Variants in DPP8 observed in about 807,000 individuals in gnomAD.
DPP8 encodes the protein dipeptidyl peptidase 8.
In DPP8, 31 loss-of-function variants were observed where a neutral mutation model predicts 107.5. The observed-to-expected ratio is 0.29, with a 90% CI of 0.22 to 0.39. DPP8 has a LOEUF of 0.39. DPP8 is among the 10% of genes least tolerant of loss of function. The probability of loss-of-function intolerance (pLI) is 1.00; values close to 1 mark genes in which losing one functional copy is unlikely to be tolerated. For missense variants in DPP8, 842 were observed against 1,076.1 expected (o/e 0.78, Z 3.04); for synonymous variants, 381 against 356.6 (o/e 1.07, Z -0.77).
intron 11 of DPP8, chr15:65,475,375 G>C: frequency 1.4e-6 from 2 of 1,462,388 alleles, no homozygotes; most frequent in Non-Finnish European, 1.9e-6. Flanking sequence ...AGGAACAGGA[G>C]AACTGGCTCT....
In DPP8 at chr15:65,487,000, AG is replaced by A. The variant is rs570218534; in HGVS notation, c.955+689del. On this transcript the variant is annotated intron_variant, in intron 7 of 19. Transcript: ENST00000300141. ...TGAAATAAAATTTAAAATAAAAAAA[AG>A]GGGGGCTGAAAAGAGCAAGAATGAA... 9.8e-3 allele frequency among the ~76,000 whole-genome samples: 1,481 copies of A among 151,852 alleles called. 13 individuals carry two copies. Among genetic ancestry groups the A allele is most frequent in the Middle Eastern group, 0.041 (12 of 294 alleles).
At chr15:65,481,447 T>A in intron 9 of DPP8, 68 bp downstream of exon 9, 1 of 1,113,982 alleles carries the variant, frequency 9.0e-7, no homozygotes, top group Non-Finnish European at 1.3e-6. Flanking sequence ...GCAAACCTAA[T>A]AGCACAAATA....
chr15:65,508,988 G>A (rs2070421208), intron 2 of DPP8, among the ~76,000 whole-genome samples: 1 of 152,184 alleles, frequency 6.6e-6, no homozygotes, highest in Non-Finnish European at 1.5e-5. Context: ...AATGCCAGCA[G>A]AAGGTAGCCT....
At chr15:65,451,195 A>C in intron 18 of DPP8, 85 bp from the exon 19 acceptor site, 1 of 786,258 alleles carries the variant, frequency 1.3e-6, no homozygotes, top group South Asian at 1.5e-5. Context: ...ATACTTAACC[A>C]TATTAACTTC....
At chr15:65,503,785 G>A (rs1465942555) in intron 3 of DPP8, among the ~76,000 whole-genome samples, 1 of 151,892 alleles carries the variant, frequency 6.6e-6, no homozygotes, top group Non-Finnish European at 1.5e-5. Flanking sequence ...ATCATGCCTG[G>A]CTTATTTTTT....
chr15:65,449,795 G>GA (rs2063832929), intron 19 of DPP8, among the ~76,000 whole-genome samples: 1 of 152,106 alleles, frequency 6.6e-6, no homozygotes, highest in South Asian at 2.1e-4. Context: ...ACTGAGTACA[G>GA]AAAGAGACAT....
At chr15:65,511,252 T>C (rs1390076554) in intron 2 of DPP8, among the ~76,000 whole-genome samples, 1 of 152,102 alleles carries the variant, frequency 6.6e-6, no homozygotes, top group Non-Finnish European at 1.5e-5. Flanking sequence ...CACAATTATA[T>C]AATGGAATAT....
chr15:65,475,129 T>C (rs2066263806), intron 11 of DPP8, among the ~76,000 whole-genome samples: 1 of 152,218 alleles, frequency 6.6e-6, no homozygotes, highest in Admixed American at 6.5e-5. Context: ...TTGGTCAGCC[T>C]TCTTACTTGT....
At position 65,456,262 on chromosome 15, in the gene DPP8, C is replaced by G; in HGVS notation, c.2081G>C (p.Arg694Pro). The change falls in exon 16 of 20, where the codon CGA (arginine) becomes CCA (proline). Residue 694 changes from arginine to proline, a missense_variant. Arg to Pro is a moderately radical substitution (Grantham distance 103). Around this residue, in one of 2 missense-constraint regions of DPP8, gnomAD observed 179 missense variants for 318.0 expected, o/e 0.56. Coordinates refer to ENST00000300141, the MANE Select transcript of DPP8 (RefSeq NM_130434.5). ...VVIDNRGSCH[R>P]GLKFEGAFKY... ...AAAGGCGCCTTCAAATTTAAGCCCT[C>G]GGTGACAGGATCCCCTGTTGTCTAT... is the stretch of plus-strand genomic sequence containing the variant. The G allele has an allele frequency of 6.2e-7, 1 of 1,613,422 alleles. No homozygotes were observed. The highest frequency in any genetic ancestry group is 8.5e-7 in the Non-Finnish European group (1 of 1,179,852).
chr15:65,473,411 C>T (rs1338883836), intron 12 of DPP8, among the ~76,000 whole-genome samples: 2 of 151,012 alleles, frequency 1.3e-5, no homozygotes, highest in African/African-American at 2.4e-5. Flanking sequence ...TGAAAGAAAA[C>T]TGATAAATGT....
At chr15:65,489,204 C>A (rs2067751964) in intron 6 of DPP8, among the ~76,000 whole-genome samples, 2 of 151,980 alleles carry the variant, frequency 1.3e-5, no homozygotes. Flanking sequence ...CATGATCCGC[C>A]CGCCTTGGCC....
intron 18 of DPP8, 30 bp downstream of exon 18, chr15:65,451,928 TTA>T: frequency 8.8e-6 from 13 of 1,474,758 alleles, no homozygotes; most frequent in East Asian, 6.9e-5. Flanking sequence ...CTGTCTCAAT[TTA>T]AAAAAAAAAA....
intron 5 of DPP8, among the ~76,000 whole-genome samples, chr15:65,493,183 A>G (rs1395437320): frequency 6.6e-6 from 1 of 151,994 alleles, no homozygotes; most frequent in Non-Finnish European, 1.5e-5. Context: ...TCCTGGGTTC[A>G]AGCGATTCTC....
At chr15:65,476,154 CTA>C (rs1168910003) in intron 11 of DPP8, among the ~76,000 whole-genome samples, 4 of 152,136 alleles carry the variant, frequency 2.6e-5, no homozygotes, top group African/African-American at 9.7e-5. Flanking sequence ...CTGCTTATAT[CTA>C]TTGCTGTGGG....
chr15:65,510,001 A>C (rs977380229), intron 2 of DPP8, among the ~76,000 whole-genome samples: 1 of 152,062 alleles, frequency 6.6e-6, no homozygotes, highest in Non-Finnish European at 1.5e-5. Flanking sequence ...AGCCTGGGCA[A>C]CAGAGTGAGA....
At chr15:65,496,782 C>T (rs1033846068) in intron 5 of DPP8, among the ~76,000 whole-genome samples, 11 of 151,770 alleles carry the variant, frequency 7.2e-5, no homozygotes, top group African/African-American at 1.7e-4. Context: ...TCCTAAGTAG[C>T]TGGGACTACT....
At chr15:65,481,989 C>G (rs1486384094) in intron 8 of DPP8, among the ~76,000 whole-genome samples, 1 of 151,402 alleles carries the variant, frequency 6.6e-6, no homozygotes, top group Admixed American at 6.6e-5. Flanking sequence ...TATATACACA[C>G]ACTAATTATA....
At chr15:65,510,886 A>G (rs1057205399) in intron 2 of DPP8, among the ~76,000 whole-genome samples, 10 of 152,140 alleles carry the variant, frequency 6.6e-5, no homozygotes, top group Non-Finnish European at 1.3e-4. Flanking sequence ...CTCACTCATA[A>G]GAGAAATAAA....
chr15:65,496,166 G>A (rs200882191), intron 5 of DPP8, among the ~76,000 whole-genome samples: 39 of 151,810 alleles, frequency 2.6e-4, no homozygotes, highest in East Asian at 2.4e-3. Flanking sequence ...TGTAGTTTTC[G>A]TAGAGACAGG....
Sources: gnomAD v4.1 joint callset for allele counts (sites outside exome capture counted in the v4.1 genomes callset) on GRCh38, gnomAD v4.1.1 for gene constraint, gnomAD v4.1.1 regional missense constraint, MANE v1.5 for transcripts, NCBI Gene and HGNC (gene_info 2026-07-23, HGNC 2026-07-21) for gene names.